EHMT1: variants seen among roughly 807,000 people sequenced by gnomAD.
The protein encoded by EHMT1 is histone-lysine N-methyltransferase EHMT1.
A neutral mutation model predicts 147.2 loss-of-function variants in EHMT1; 15 were observed. That is an observed-to-expected ratio of 0.10 (90% CI 0.07 to 0.16). The LOEUF (loss-of-function observed/expected upper bound fraction) is 0.16, where lower values mean the gene tolerates loss of function less well. Among genes scored for constraint, EHMT1 ranks in the 10% least tolerant of loss-of-function variants. EHMT1 has a pLI of 1.00. For missense variants in EHMT1, 1,587 were observed against 1,772.4 expected (o/e 0.90, Z 1.88); for synonymous variants, 795 against 709.6 (o/e 1.12, Z -1.91).
chr9:137,633,415 C>A (rs1234167071), intron 1 of EHMT1, among the ~76,000 whole-genome samples: 1 of 151,846 alleles, frequency 6.6e-6, no homozygotes, highest in Admixed American at 6.6e-5. Flanking sequence ...TAATGTTCCC[C>A]ATCATAAAAA....
At chr9:137,680,751 C>T (rs1233727793) in intron 1 of EHMT1, 1 of 152,280 alleles carries the variant, frequency 6.6e-6, no homozygotes, top group Non-Finnish European at 1.5e-5. Context: ...TGCGGGGCAC[C>T]ACCTGTGAGA....
At position 137,815,932 on chromosome 9, in the gene EHMT1, C is replaced by T; in HGVS notation, c.3259-15C>T. On this transcript the variant is annotated splice_polypyrimidine_tract_variant and intron_variant, in intron 22 of 26. Transcript: ENST00000460843. ...AGTAACCTCTGCTGGGCCCTTGCTG[C>T]TCATCTGTCCACAGGATGGCCGGCT... The T allele has an allele frequency of 6.3e-7, 1 of 1,589,132 alleles. No individual in the cohort carries two copies. Among genetic ancestry groups the T allele is most frequent in the Non-Finnish European group, 8.6e-7 (1 of 1,166,948 alleles).
intron 1 of EHMT1, among the ~76,000 whole-genome samples, chr9:137,668,112 C>G (rs1256615286): frequency 6.6e-6 from 1 of 152,086 alleles, no homozygotes; most frequent in Non-Finnish European, 1.5e-5. Context: ...AGTGGGGAGG[C>G]AGACAAGTAG....
At position 137,787,795 on chromosome 9, in the gene EHMT1, G is replaced by T; in HGVS notation, c.2383-3053G>T. 1.2e-6 allele frequency: 1 copy of T among 852,434 alleles called. No individual in the cohort carries two copies. The highest frequency in any genetic ancestry group is 2.4e-5 in the East Asian group (1 of 41,436). The allele number at this position is 852,434 out of a possible 1,614,324, so 52.8% of individuals were successfully genotyped here. A position where few individuals can be genotyped will look rare whatever the true frequency, so the allele number is the denominator to read the frequency against. On this transcript the variant is annotated intron_variant, in intron 15 of 26. Coordinates refer to ENST00000460843, the MANE Select transcript of EHMT1 (RefSeq NM_024757.5). This position sits in a 1 kb window ranked among gnomAD's most constrained non-coding sequence, Gnocchi z 4.2. ...AGAGGGCGTCTAGATCCCAGCCCTG[G>T]GGGCCCTCAGGTTTCAGGGGCCACC...
At chr9:137,668,551 C>T (rs906604648) in intron 1 of EHMT1, among the ~76,000 whole-genome samples, 4 of 152,134 alleles carry the variant, frequency 2.6e-5, no homozygotes, top group African/African-American at 9.7e-5. Flanking sequence ...GACAGAGCAC[C>T]AGAAATCCAG....
intron 1 of EHMT1, among the ~76,000 whole-genome samples, chr9:137,671,148 G>A (rs1287144786): frequency 1.3e-5 from 2 of 152,232 alleles, no homozygotes; most frequent in South Asian, 2.1e-4. Context: ...CTGTTTTCCC[G>A]TATAATTATT....
intron 10 of EHMT1, chr9:137,763,176 C>T (rs58016314): frequency 0.3 from 142,687 of 481,732 alleles, 22,653 homozygotes; most frequent in Admixed American, 0.43. Context: ...TCCAGAACTG[C>T]CCAGAACTGT....
chr9:137,653,824 G>T (rs1236627223), intron 1 of EHMT1, among the ~76,000 whole-genome samples: 1 of 152,142 alleles, frequency 6.6e-6, no homozygotes, highest in Non-Finnish European at 1.5e-5. Flanking sequence ...GCCCCTGGCC[G>T]ATTTTCTCAT....
intron 9 of EHMT1, 32 bp downstream of exon 9, chr9:137,758,043 C>A (rs769347146): frequency 1.2e-6 from 2 of 1,613,756 alleles, no homozygotes; most frequent in South Asian, 2.2e-5. Context: ...AGACCGGGCA[C>A]CATCTTGGTC....
At chr9:137,763,467 C>G (rs1400656461) in intron 10 of EHMT1, 1 of 163,966 alleles carries the variant, frequency 6.1e-6, no homozygotes, top group Non-Finnish European at 1.4e-5. Flanking sequence ...GCACCACATG[C>G]AGTCACACTG....
At chr9:137,713,278 T>C (rs1944908845) in intron 2 of EHMT1, among the ~76,000 whole-genome samples, 1 of 148,032 alleles carries the variant, frequency 6.8e-6, no homozygotes, top group African/African-American at 2.5e-5. Flanking sequence ...TTTTTTTTTT[T>C]TTTTTTTTTG....
At chr9:137,738,314 C>T (rs992125550) in intron 4 of EHMT1, among the ~76,000 whole-genome samples, 3 of 152,000 alleles carry the variant, frequency 2.0e-5, no homozygotes, top group South Asian at 2.1e-4. Context: ...AGATGCTCAA[C>T]GTCACTAATC....
chr9:137,723,099 A>G (rs561182482), intron 3 of EHMT1, among the ~76,000 whole-genome samples: 1 of 110,482 alleles, frequency 9.1e-6, no homozygotes, highest in Admixed American at 9.4e-5. Flanking sequence ...TCTGGGCCTG[A>G]GCCCGGGGTG....
intron 1 of EHMT1, among the ~76,000 whole-genome samples, chr9:137,684,837 A>T (rs1406055676): frequency 6.6e-6 from 1 of 152,226 alleles, no homozygotes; most frequent in Non-Finnish European, 1.5e-5. Flanking sequence ...AGTCAACGTC[A>T]GGAAGTTTAT....
intron 3 of EHMT1, among the ~76,000 whole-genome samples, chr9:137,725,703 T>G (rs544676343): frequency 6.6e-6 from 1 of 152,108 alleles, no homozygotes; most frequent in East Asian, 1.9e-4. Context: ...CAAGATGCGC[T>G]CGAGAGACAG....
At chr9:137,645,286 G>A (rs930088557) in intron 1 of EHMT1, among the ~76,000 whole-genome samples, 6 of 152,256 alleles carry the variant, frequency 3.9e-5, no homozygotes, top group Middle Eastern at 3.2e-3. Flanking sequence ...ATTGGCTTGC[G>A]CCTTTATTGA....
chr9:137,619,970 C>G (rs1273167287), intron 1 of EHMT1: 4 of 152,122 alleles, frequency 2.6e-5, no homozygotes, highest in African/African-American at 9.7e-5. Context: ...AATTAACTGT[C>G]TAGTAACAGT....
chr9:137,773,466 G>T (rs957058396), intron 10 of EHMT1, among the ~76,000 whole-genome samples: 1 of 151,152 alleles, frequency 6.6e-6, no homozygotes, highest in Non-Finnish European at 1.5e-5. Flanking sequence ...GCATCGAGAA[G>T]TCTCTTGCTG....
At chr9:137,766,549 C>T (rs1434243131) in intron 10 of EHMT1, among the ~76,000 whole-genome samples, 3 of 152,232 alleles carry the variant, frequency 2.0e-5, no homozygotes, top group South Asian at 4.1e-4. Context: ...TGGGAGGCGA[C>T]GGTTGCAGTG....
Sources: gnomAD v4.1 joint callset for allele counts (sites outside exome capture counted in the v4.1 genomes callset) on GRCh38, gnomAD v4.1.1 for gene constraint, Gnocchi (gnomAD v3.1) non-coding constraint, MANE v1.5 for transcripts, NCBI Gene and HGNC (gene_info 2026-07-23, HGNC 2026-07-21) for gene names.